Variants in RYR2 observed in about 807,000 individuals in gnomAD.
RYR2 encodes the protein ryanodine receptor 2.
In RYR2, 227 loss-of-function variants were observed where a neutral mutation model predicts 601.1. The ratio of observed to expected loss-of-function variants is 0.38; its 90% CI spans 0.34 to 0.42. RYR2 has a LOEUF of 0.42. Among genes scored for constraint, RYR2 ranks in the 10% least tolerant of loss-of-function variants. The pLI is 1.00. For missense variants in RYR2, 4,646 were observed against 6,156.5 expected, an observed-to-expected ratio of 0.75 and a Z score of 8.21; for synonymous variants, 2,223 against 2,175.1, an observed-to-expected ratio of 1.02 and a Z score of -0.61.
intron 38 of RYR2, among the ~76,000 whole-genome samples, chr1:237,620,017 A>G (rs1380781510): frequency 3.3e-5 from 5 of 152,206 alleles, no homozygotes; most frequent in Non-Finnish European, 7.3e-5. Flanking sequence ...TCAGAAAGGA[A>G]GAAATTAACA....
intron 1 of RYR2, among the ~76,000 whole-genome samples, chr1:237,131,493 T>A (rs1334594381): frequency 6.6e-6 from 1 of 152,060 alleles, no homozygotes; most frequent in African/African-American, 2.4e-5. Flanking sequence ...ATATTTGAAC[T>A]ATTGGACAGG....
At chr1:237,746,870 A>G (rs1275225317) in intron 80 of RYR2, among the ~76,000 whole-genome samples, 1 of 152,148 alleles carries the variant, frequency 6.6e-6, no homozygotes, top group African/African-American at 2.4e-5. Flanking sequence ...ATAATAAATA[A>G]TAATGTTTCA....
intron 24 of RYR2, among the ~76,000 whole-genome samples, chr1:237,516,142 G>A (rs901278845): frequency 2.0e-5 from 3 of 151,788 alleles, no homozygotes; most frequent in Non-Finnish European, 2.9e-5. Flanking sequence ...AAGGAGTCTC[G>A]CTCTGTTGCC....
chr1:237,827,187 C>T (rs1319106435), intron 101 of RYR2, among the ~76,000 whole-genome samples: 3 of 152,082 alleles, frequency 2.0e-5, no homozygotes, highest in East Asian at 1.9e-4. Context: ...GTAAAAATAA[C>T]GTGTTTTCTA....
intron 87 of RYR2, 137 bp from the exon 88 acceptor site, chr1:237,778,529 T>G (rs1169391087): frequency 2.2e-6 from 1 of 457,370 alleles, no homozygotes; most frequent in Admixed American, 3.8e-5. Flanking sequence ...TCTTTCACTT[T>G]GAGTTCCTAT....
intron 1 of RYR2, among the ~76,000 whole-genome samples, chr1:237,258,189 GAAAA>G (rs1390241224): frequency 2.0e-5 from 3 of 148,536 alleles, no homozygotes; most frequent in African/African-American, 4.9e-5. Flanking sequence ...AAAAAAGAAA[GAAAA>G]AGAAAAAAAG....
chr1:237,343,922 G>A (rs1558655611), intron 3 of RYR2, among the ~76,000 whole-genome samples: 1 of 151,298 alleles, frequency 6.6e-6, no homozygotes, highest in Non-Finnish European at 1.5e-5. Context: ...CTGGTTTAAA[G>A]CGATTCTCCT....
At chr1:237,300,936 A>C (rs1385534866) in intron 2 of RYR2, among the ~76,000 whole-genome samples, 1 of 152,128 alleles carries the variant, frequency 6.6e-6, no homozygotes, top group Non-Finnish European at 1.5e-5. Flanking sequence ...AGTGAATTTC[A>C]TGGAAAAGCA....
intron 2 of RYR2, among the ~76,000 whole-genome samples, chr1:237,284,708 C>G (rs1329921400): frequency 8.2e-6 from 1 of 121,824 alleles, no homozygotes; most frequent in Admixed American, 7.9e-5. Context: ...CCATAAACAC[C>G]CCCCCACACA....
intron 1 of RYR2, among the ~76,000 whole-genome samples, chr1:237,205,740 G>T (rs1681734621): frequency 6.6e-6 from 1 of 152,240 alleles, no homozygotes; most frequent in African/African-American, 2.4e-5. Context: ...AGGCCTCTCT[G>T]CAGGGGGCAA....
chr1:237,226,052 C>G (rs2149164108), intron 1 of RYR2, among the ~76,000 whole-genome samples: 1 of 140,918 alleles, frequency 7.1e-6, no homozygotes, highest in East Asian at 2.2e-4. Flanking sequence ...GAGACTCCAT[C>G]TCAAAAAAAA....
intron 25 of RYR2, among the ~76,000 whole-genome samples, chr1:237,542,123 C>T (rs956795295): frequency 9.2e-5 from 14 of 151,690 alleles, no homozygotes; most frequent in Non-Finnish European, 2.1e-4. Context: ...GACAGAGTTT[C>T]ACTCTTGTTG....
At chr1:237,099,883 AGAG>A (rs1385257087) in intron 1 of RYR2, among the ~76,000 whole-genome samples, 1 of 151,790 alleles carries the variant, frequency 6.6e-6, no homozygotes, top group Non-Finnish European at 1.5e-5. Flanking sequence ...ACTGAGGCAG[AGAG>A]GAGTTTTGTA....
At chr1:237,723,832 C>T (rs1409694860) in intron 74 of RYR2, among the ~76,000 whole-genome samples, 1 of 151,838 alleles carries the variant, frequency 6.6e-6, no homozygotes, top group East Asian at 1.9e-4. Context: ...CAGTTGTGTC[C>T]TACTTTACAC....
At chr1:237,680,421 A>G (rs778703255) in intron 61 of RYR2, 35 bp from the exon 62 acceptor site, 213 of 1,591,914 alleles carry the variant, frequency 1.3e-4, no homozygotes, top group Non-Finnish European at 1.8e-4. Flanking sequence ...GAAAGATTCC[A>G]CTACGTAGAT....
chr1:237,092,994 A>G (rs1667133240), intron 1 of RYR2, among the ~76,000 whole-genome samples: 5 of 152,176 alleles, frequency 3.3e-5, no homozygotes, highest in Admixed American at 3.3e-4. Flanking sequence ...GTGCTCTGTG[A>G]CAGTGCTGTC....
chr1:237,149,953 TATAAG>T (rs1282253329), intron 1 of RYR2, among the ~76,000 whole-genome samples: 4 of 152,232 alleles, frequency 2.6e-5, no homozygotes, highest in Admixed American at 6.5e-5. Flanking sequence ...GGTTTTGTGT[TATAAG>T]ATGAGTTTGA....
chr1:237,742,192 T>C, intron 79 of RYR2, 104 bp from the exon 80 acceptor site: 1 of 742,690 alleles, frequency 1.3e-6, no homozygotes, highest in Non-Finnish European at 2.2e-6. Context: ...AGGTTGATGA[T>C]AAATTAATAC....
chr1:237,377,152 A>G (rs527710347), intron 7 of RYR2, among the ~76,000 whole-genome samples, 171 bp from the exon 8 acceptor site: 1 of 152,214 alleles, frequency 6.6e-6, no homozygotes, highest in Non-Finnish European at 1.5e-5. Context: ...TAGGAGAAGA[A>G]TCTTATTTTA....
Sources: gnomAD v4.1 joint callset for allele counts (sites outside exome capture counted in the v4.1 genomes callset) on GRCh38, gnomAD v4.1.1 for gene constraint, MANE v1.5 for transcripts, NCBI Gene and HGNC (gene_info 2026-07-23, HGNC 2026-07-21) for gene names.